The following RGS9 variants were observed in gnomAD, a reference collection of about 807,000 sequenced individuals.
RGS9 encodes regulator of G protein signaling 9, also known as regulator of G-protein signalling 9.
Under a neutral mutation model 102.0 loss-of-function variants are expected in RGS9, and 78 were observed. That is an observed-to-expected ratio of 0.76 (90% CI 0.64 to 0.92). RGS9 has a LOEUF of 0.92. Among genes scored for constraint, RGS9 ranks in the 40% least tolerant of loss-of-function variants. RGS9 has a pLI of 0.00. For synonymous variants in RGS9, 353 were observed against 318.6 expected (o/e 1.11, Z -1.15); for missense variants, 833 against 866.1 (o/e 0.96, Z 0.48).
Position 65,198,287 on chromosome 17 carries a change from G to A in RGS9, c.976+1046G>A, listed in dbSNP as rs570653072. 4.7e-5 allele frequency among the ~76,000 whole-genome samples: 7 copies of A among 150,290 alleles called. No individual in the cohort carries two copies. The South Asian group carries it at 1.5e-3, about 32-fold the overall frequency. On this transcript the variant is annotated intron_variant, in intron 13 of 18. Transcript: ENST00000262406. ...TTTTTTTTTTTTGATATGGAGTCTC[G>A]CTCTGTTGCCCAGGCTGAAGTGCAG... is the stretch of plus-strand genomic sequence containing the variant.
At chr17:65,208,768 A>G (rs547687636) in intron 16 of RGS9, among the ~76,000 whole-genome samples, 12 of 152,150 alleles carry the variant, frequency 7.9e-5, no homozygotes, top group Admixed American at 1.3e-4. Flanking sequence ...GGGTCAACCC[A>G]CACTGGGCTC....
rs1272403183 is a variant in RGS9, at chr17:65,207,902, T to C, written c.1204-20T>C. On this transcript the variant is annotated intron_variant, in intron 15 of 18. Coordinates refer to ENST00000262406, the MANE Select transcript of RGS9 (RefSeq NM_003835.4). The stretch of plus-strand genomic sequence containing the variant: ...TGCTTTTTTCTCTCATAATTACTGT[T>C]GTTTTCTTGTTCCCACTAGGATTCT... The C allele has an allele frequency of 1.9e-6, 3 of 1,568,496 alleles. No homozygotes were observed. Among genetic ancestry groups the C allele is most frequent in the Non-Finnish European group, 2.6e-6 (3 of 1,139,512 alleles).
intron 7 of RGS9, among the ~76,000 whole-genome samples, chr17:65,166,889 C>G (rs1911206448): frequency 6.6e-6 from 1 of 152,164 alleles, no homozygotes; most frequent in African/African-American, 2.4e-5. Flanking sequence ...GACGGAACGC[C>G]CAAATGGAAT....
chr17:65,170,136 C>T (rs1911357854), intron 8 of RGS9, among the ~76,000 whole-genome samples: 1 of 150,356 alleles, frequency 6.7e-6, no homozygotes, highest in African/African-American at 2.5e-5. Context: ...CTCACTGCAA[C>T]CTCTGCCTCC....
At chr17:65,216,800 T>C (rs1462705229) in intron 17 of RGS9, among the ~76,000 whole-genome samples, 1 of 152,110 alleles carries the variant, frequency 6.6e-6, no homozygotes, top group African/African-American at 2.4e-5. Flanking sequence ...TTTCATCGAG[T>C]TTGCATTTTA....
At chr17:65,202,408 G>GGTGTGTGTGTGT (rs746368093) in intron 14 of RGS9, among the ~76,000 whole-genome samples, 116 of 132,312 alleles carry the variant, frequency 8.8e-4, no homozygotes, top group African/African-American at 3.1e-3. Flanking sequence ...TGTCCTGAGG[G>GGTGTGTGTGTGT]GTGTGTGTGT....
intron 17 of RGS9, among the ~76,000 whole-genome samples, chr17:65,215,920 T>G (rs1476532181): frequency 6.6e-6 from 1 of 151,914 alleles, no homozygotes. Context: ...AGTTCCAGAC[T>G]AGGAAAGAGA....
At chr17:65,163,180 TTA>T in intron 7 of RGS9, 91 bp downstream of exon 7, 1 of 654,718 alleles carries the variant, frequency 1.5e-6, no homozygotes, top group Non-Finnish European at 2.4e-6. Flanking sequence ...TTTTTTATTT[TTA>T]TTTTTTTTTT....
chr17:65,204,105 G>A (rs1912954737), intron 14 of RGS9, 58 bp from the exon 15 acceptor site: 1 of 1,603,926 alleles, frequency 6.2e-7, no homozygotes. Context: ...GCAGCTGTGA[G>A]CTATCCATGA....
chr17:65,185,993 C>T (rs910503926), intron 9 of RGS9, among the ~76,000 whole-genome samples: 2 of 152,140 alleles, frequency 1.3e-5, no homozygotes, highest in Admixed American at 1.3e-4. Flanking sequence ...CAGTGGCCGA[C>T]AGGCAGAAAG....
intron 1 of RGS9, among the ~76,000 whole-genome samples, chr17:65,140,885 T>TA (rs5821625): frequency 0.029 from 4,288 of 146,400 alleles, 220 homozygotes; most frequent in African/African-American, 0.1. Context: ...AGACTCTGTC[T>TA]AAAAAAAAAA....
At chr17:65,147,950 T>A (rs192188016) in intron 1 of RGS9, among the ~76,000 whole-genome samples, 196 of 152,312 alleles carry the variant, frequency 1.3e-3, no homozygotes, top group Non-Finnish European at 2.3e-3. Flanking sequence ...ATCTACCCTT[T>A]CAAAACTTTA....
At chr17:65,200,586 T>G (rs1414582855) in intron 13 of RGS9, among the ~76,000 whole-genome samples, 2 of 152,182 alleles carry the variant, frequency 1.3e-5, no homozygotes, top group Non-Finnish European at 2.9e-5. Flanking sequence ...AAGAACGCCC[T>G]AAAGTTCATG....
rs538907028 is a variant in RGS9, at chr17:65,174,296, A to G, written c.583-3436A>G. On this transcript the variant is annotated intron_variant, in intron 8 of 18. Coordinates refer to ENST00000262406, the MANE Select transcript of RGS9 (RefSeq NM_003835.4). ...GCAGATGACCACACCGAAGTCACCG[A>G]GGCAGTGAGCGCCTGTGGAATAGCA... Among the ~76,000 whole-genome samples, 9 of 152,370 alleles carry G rather than the reference A, an allele frequency of 5.9e-5. No homozygotes were observed. In the South Asian group the frequency reaches 1.9e-3, roughly 32 times the overall value.
intron 9 of RGS9, among the ~76,000 whole-genome samples, chr17:65,182,285 G>A (rs1911914415): frequency 6.6e-6 from 1 of 152,244 alleles, no homozygotes; most frequent in African/African-American, 2.4e-5. Context: ...GCCTAGCTGA[G>A]GGAAGGGAAG....
intron 8 of RGS9, 80 bp from the exon 9 acceptor site, chr17:65,177,652 C>A: frequency 7.5e-7 from 1 of 1,335,780 alleles, no homozygotes. Context: ...TCACAATTGG[C>A]AGATTAACCA....
At chr17:65,168,667 T>A (rs1164923075) in intron 8 of RGS9, among the ~76,000 whole-genome samples, 2 of 149,442 alleles carry the variant, frequency 1.3e-5, no homozygotes, top group Non-Finnish European at 2.9e-5. Context: ...CCCGTGAGAA[T>A]GGAAACTGCT....
Position 65,137,405 on chromosome 17 carries a change from G to A in RGS9, c.-136G>A. The A allele has an allele frequency of 1.2e-6, 1 of 834,282 alleles. No homozygotes were observed. The highest frequency in any genetic ancestry group is 2.0e-6 in the Non-Finnish European group (1 of 498,866). The allele number at this position is 834,282 out of a possible 1,614,324, so 51.7% of individuals were successfully genotyped here. On this transcript the variant is annotated 5_prime_UTR_variant, in exon 1 of 19. Coordinates refer to ENST00000262406, the MANE Select transcript of RGS9 (RefSeq NM_003835.4). ...GCCTAGTGAGAGTCAGGGGGGCCCG[G>A]CCCGCGCCCTCCCCGCCCAGCCGCC...
chr17:65,160,064 C>A (rs1326517859), intron 3 of RGS9, among the ~76,000 whole-genome samples, 169 bp from the exon 4 acceptor site: 1 of 152,244 alleles, frequency 6.6e-6, no homozygotes, highest in Non-Finnish European at 1.5e-5. Context: ...TGCAACCCAG[C>A]TCACGCTTGT....
Sources: gnomAD v4.1 joint callset for allele counts (sites outside exome capture counted in the v4.1 genomes callset) on GRCh38, gnomAD v4.1.1 for gene constraint, MANE v1.5 for transcripts, NCBI Gene and HGNC (gene_info 2026-07-23, HGNC 2026-07-21) for gene names.